The following PTPRM variants were observed in gnomAD, a reference collection of about 807,000 sequenced individuals.
PTPRM encodes receptor-type tyrosine-protein phosphatase mu.
Under a neutral mutation model 186.7 loss-of-function variants are expected in PTPRM, and 47 were observed. The observed-to-expected ratio is 0.25, with a 90% CI of 0.20 to 0.32. The LOEUF (loss-of-function observed/expected upper bound fraction) is 0.32. Among genes scored for constraint, PTPRM ranks in the 10% least tolerant of loss-of-function variants. The pLI, the probability that PTPRM is intolerant of heterozygous loss-of-function variation, is 1.00. For synonymous variants in PTPRM, 668 were observed against 674.9 expected, an observed-to-expected ratio of 0.99 and a Z score of 0.16; for missense variants, 1,494 against 1,865.0, an observed-to-expected ratio of 0.80 and a Z score of 3.66.
chr18:8,124,354 C>A (rs2092272549), intron 13 of PTPRM, among the ~76,000 whole-genome samples: 1 of 152,174 alleles, frequency 6.6e-6, no homozygotes, highest in African/African-American at 2.4e-5. Flanking sequence ...CACCCATCAA[C>A]TTCGATAGCA....
At chr18:8,028,296 C>T (rs2085706440) in intron 7 of PTPRM, among the ~76,000 whole-genome samples, 1 of 152,184 alleles carries the variant, frequency 6.6e-6, no homozygotes. Context: ...ACCACCGTGC[C>T]CAGCCCACTG....
rs564702869 is a variant in PTPRM, at chr18:8,281,044, T to C, written c.2755-15324T>C. On this transcript the variant is annotated intron_variant, in intron 19 of 32. Transcript: ENST00000580170. The stretch of plus-strand genomic sequence containing the variant: ...TAAAGTAGAAAATACATGGAAAAGA[T>C]AGATTTGAGCTGAGTTATAATGGTT... Among the ~76,000 whole-genome samples the C allele has an allele frequency of 8.5e-5, 13 of 152,264 alleles. No homozygotes were observed. The South Asian group carries it at 1.9e-3, about 22-fold the overall frequency.
intron 2 of PTPRM, among the ~76,000 whole-genome samples, chr18:7,796,383 C>A (rs1416659936): frequency 1.3e-5 from 2 of 152,138 alleles, no homozygotes; most frequent in Non-Finnish European, 2.9e-5. Flanking sequence ...AAACAAAAAT[C>A]ACTTGCATTA....
chr18:8,250,181 G>A (rs2094514828), intron 17 of PTPRM, among the ~76,000 whole-genome samples: 1 of 151,890 alleles, frequency 6.6e-6, no homozygotes, highest in Admixed American at 6.5e-5. Context: ...CTAATGTATA[G>A]AGCTGGAGTA....
intron 14 of PTPRM, among the ~76,000 whole-genome samples, chr18:8,240,771 A>G (rs1197919649): frequency 3.3e-5 from 2 of 61,058 alleles, no homozygotes; most frequent in Admixed American, 1.6e-4. Context: ...GGAGGGAGAG[A>G]GAGAGGGAGA....
At chr18:8,161,956 T>C (rs1317100155) in intron 14 of PTPRM, among the ~76,000 whole-genome samples, 1 of 152,184 alleles carries the variant, frequency 6.6e-6, no homozygotes, top group African/African-American at 2.4e-5. Context: ...CATCCCTGTG[T>C]TCTGCACTGG....
At chr18:7,842,947 T>TATATATATATATATATAGAGAGAG (rs370746043) in intron 2 of PTPRM, among the ~76,000 whole-genome samples, 14 of 112,114 alleles carry the variant, frequency 1.2e-4, no homozygotes, top group African/African-American at 5.5e-4. Flanking sequence ...TATATATATA[T>TATATATATATATATATAGAGAGAG]AGAGAGAGAG....
chr18:8,111,638 G>A (rs1010696542), intron 11 of PTPRM, among the ~76,000 whole-genome samples: 59 of 152,012 alleles, frequency 3.9e-4, no homozygotes, highest in African/African-American at 1.3e-3. Context: ...TTTATTAAAT[G>A]GAGAATCACT....
chr18:7,728,044 C>T (rs1392712504), intron 1 of PTPRM, among the ~76,000 whole-genome samples: 1 of 152,178 alleles, frequency 6.6e-6, no homozygotes, highest in African/African-American at 2.4e-5. Flanking sequence ...ATCTTCTTGT[C>T]TCTGGTCTCT....
At chr18:7,628,549 T>C (rs1360108978) in intron 1 of PTPRM, among the ~76,000 whole-genome samples, 1 of 152,260 alleles carries the variant, frequency 6.6e-6, no homozygotes, top group Non-Finnish European at 1.5e-5. Context: ...AAACCATTAG[T>C]TGGCATTTTA....
intron 1 of PTPRM, among the ~76,000 whole-genome samples, chr18:7,656,156 G>A (rs2144331826): frequency 6.6e-6 from 1 of 152,306 alleles, no homozygotes; most frequent in Middle Eastern, 3.4e-3. Flanking sequence ...ATACACGATA[G>A]CCAAAAGGTA....
At chr18:7,715,097 G>T (rs1041321794) in intron 1 of PTPRM, among the ~76,000 whole-genome samples, 1 of 152,060 alleles carries the variant, frequency 6.6e-6, no homozygotes, top group Admixed American at 6.6e-5. Flanking sequence ...ACATCGATGC[G>T]AAAATCCTCA....
intron 1 of PTPRM, among the ~76,000 whole-genome samples, chr18:7,683,062 G>C (rs2039515622): frequency 6.6e-6 from 1 of 151,942 alleles, no homozygotes; most frequent in African/African-American, 2.4e-5. Context: ...GAGGCTTAGT[G>C]TCTCTGAGTA....
At chr18:8,226,278 A>G (rs76128360) in intron 14 of PTPRM, among the ~76,000 whole-genome samples, 11,633 of 103,528 alleles carry the variant, frequency 0.11, 581 homozygotes, top group Middle Eastern at 0.43. Flanking sequence ...TATCCCCCCC[A>G]CACACATACA....
chr18:7,575,290 G>A (rs1256903259), intron 1 of PTPRM, among the ~76,000 whole-genome samples: 3 of 152,184 alleles, frequency 2.0e-5, no homozygotes, highest in African/African-American at 7.2e-5. Flanking sequence ...GCCATCCGCA[G>A]CTGATCACTA....
At chr18:8,056,812 G>T (rs959344302) in intron 7 of PTPRM, among the ~76,000 whole-genome samples, 1 of 150,344 alleles carries the variant, frequency 6.7e-6, no homozygotes, top group African/African-American at 2.5e-5. Context: ...GTTTGACATT[G>T]TCTGTTGTAC....
intron 5 of PTPRM, among the ~76,000 whole-genome samples, chr18:7,931,342 T>A (rs200685899): frequency 6.6e-6 from 1 of 152,122 alleles, no homozygotes; most frequent in African/African-American, 2.4e-5. Context: ...TATATATATA[T>A]AACACTGAAA....
chr18:8,064,837 T>C (rs796436548), intron 7 of PTPRM, among the ~76,000 whole-genome samples: 2 of 152,302 alleles, frequency 1.3e-5, no homozygotes, highest in African/African-American at 4.8e-5. Flanking sequence ...CACTATAATA[T>C]TAGTTACTCA....
chr18:7,828,865 A>C (rs569348703), intron 2 of PTPRM, among the ~76,000 whole-genome samples: 70 of 152,178 alleles, frequency 4.6e-4, no homozygotes, highest in Non-Finnish European at 8.7e-4. Flanking sequence ...TGAGCAAAAA[A>C]ATTTTAAAGA....
Sources: allele counts gnomAD v4.1 joint callset (sites outside exome capture counted in the v4.1 genomes callset), GRCh38; gene constraint gnomAD v4.1.1; transcripts MANE v1.5; gene names NCBI Gene and HGNC (gene_info 2026-07-23, HGNC 2026-07-21).